The following PAK5 variants were observed in gnomAD, a reference collection of about 807,000 sequenced individuals.
PAK5 encodes p21 (RAC1) activated kinase 5.
Under a neutral mutation model 65.9 loss-of-function variants are expected in PAK5, and 16 were observed. The observed-to-expected ratio is 0.24, with a 90% CI of 0.16 to 0.37. PAK5 has a LOEUF of 0.37. Ranked by LOEUF, PAK5 falls within the 10% of genes least tolerant of loss-of-function variation. The probability of loss-of-function intolerance (pLI) is 1.00; values close to 1 mark genes in which losing one functional copy is unlikely to be tolerated. For synonymous variants in PAK5, 371 were observed against 354.9 expected (o/e 1.05, Z -0.51); for missense variants, 785 against 903.9 (o/e 0.87, Z 1.69).
rs548461110 is a variant in PAK5, at chr20:9,668,071, A to C, written c.-11-23732T>G. Among the ~76,000 whole-genome samples, 16 of 152,282 alleles carry C rather than the reference A, an allele frequency of 1.1e-4. No individual in the cohort carries two copies. In the East Asian group the frequency reaches 2.1e-3, roughly 20 times the overall value. ...GCTTCCACTGAGAACAAGAGGAAAG[A>C]ACTATTTTCCTTAAGAATTGCTTTT... is the stretch of plus-strand genomic sequence containing the variant. On this transcript the variant is annotated intron_variant, in intron 2 of 9. Transcript: ENST00000353224.
intron 3 of PAK5, among the ~76,000 whole-genome samples, chr20:9,618,520 C>T (rs1291234835): frequency 6.6e-6 from 1 of 151,340 alleles, no homozygotes; most frequent in East Asian, 1.9e-4. Context: ...AATTTTCCTG[C>T]CACAGCCTCC....
chr20:9,547,670 A>T (rs1200626796), intron 7 of PAK5, among the ~76,000 whole-genome samples: 1 of 152,170 alleles, frequency 6.6e-6, no homozygotes, highest in Non-Finnish European at 1.5e-5. Flanking sequence ...GAGAGTGAGG[A>T]TAACTGATGA....
At chr20:9,657,034 C>T (rs549116326) in intron 2 of PAK5, among the ~76,000 whole-genome samples, 2 of 152,252 alleles carry the variant, frequency 1.3e-5, no homozygotes, top group South Asian at 4.1e-4. Flanking sequence ...GTATATATGT[C>T]TATGCCATTT....
chr20:9,767,321 C>A (rs1435851303), intron 1 of PAK5, among the ~76,000 whole-genome samples: 1 of 152,098 alleles, frequency 6.6e-6, no homozygotes, highest in African/African-American at 2.4e-5. Flanking sequence ...AATCAATGAA[C>A]TTATCCTCAT....
intron 7 of PAK5, among the ~76,000 whole-genome samples, chr20:9,555,647 A>C (rs1002536043): frequency 6.6e-6 from 1 of 152,224 alleles, no homozygotes; most frequent in Admixed American, 6.5e-5. Flanking sequence ...GAAAAAATGC[A>C]TACACAGTCT....
At chr20:9,726,721 G>A (rs1169157966) in intron 1 of PAK5, among the ~76,000 whole-genome samples, 1 of 152,078 alleles carries the variant, frequency 6.6e-6, no homozygotes, top group East Asian at 1.9e-4. Flanking sequence ...TGCACGCAGG[G>A]CTTAAAACCT....
intron 2 of PAK5, among the ~76,000 whole-genome samples, chr20:9,682,230 G>A (rs953136477): frequency 2.6e-5 from 4 of 152,076 alleles, no homozygotes; most frequent in South Asian, 2.1e-4. Flanking sequence ...GGTGGCGGGC[G>A]CCTGTAGTCC....
intron 3 of PAK5, among the ~76,000 whole-genome samples, chr20:9,585,788 G>A (rs1305470614): frequency 1.3e-5 from 2 of 152,160 alleles, no homozygotes; most frequent in Non-Finnish European, 2.9e-5. Flanking sequence ...ACTGCCTTCA[G>A]TGGACGGAAA....
chr20:9,729,368 CA>C (rs1569062323), intron 1 of PAK5, among the ~76,000 whole-genome samples: 1 of 152,032 alleles, frequency 6.6e-6, no homozygotes, highest in Non-Finnish European at 1.5e-5. Context: ...TAATGGTGGC[CA>C]ACAATCAGAG....
At chr20:9,833,916 A>G (rs372862740) in intron 1 of PAK5, among the ~76,000 whole-genome samples, 216 of 152,314 alleles carry the variant, frequency 1.4e-3, no homozygotes, top group Middle Eastern at 6.8e-3. Flanking sequence ...CTCAATTTAT[A>G]TATTAGTGAA....
chr20:9,642,147 A>G (rs2047077733), intron 3 of PAK5, among the ~76,000 whole-genome samples: 1 of 152,144 alleles, frequency 6.6e-6, no homozygotes, highest in African/African-American at 2.4e-5. Context: ...GCATGCTGTC[A>G]CCTCTCACTT....
chr20:9,657,840 C>A (rs758389069), intron 2 of PAK5, among the ~76,000 whole-genome samples: 8 of 152,122 alleles, frequency 5.3e-5, no homozygotes, highest in Admixed American at 2.6e-4. Context: ...TTGCCTTGTT[C>A]AAGAAACAAA....
At chr20:9,564,873 T>G (rs182137267) in intron 5 of PAK5, among the ~76,000 whole-genome samples, 1 of 152,116 alleles carries the variant, frequency 6.6e-6, no homozygotes, top group African/African-American at 2.4e-5. Flanking sequence ...TAGAATACGT[T>G]AATATATTTT....
intron 1 of PAK5, among the ~76,000 whole-genome samples, chr20:9,795,874 A>C (rs2049099031): frequency 6.6e-6 from 1 of 152,078 alleles, no homozygotes; most frequent in South Asian, 2.1e-4. Flanking sequence ...ACTTAAGAAA[A>C]ATGGTATTAT....
chr20:9,828,241 T>A (rs1297144624), intron 1 of PAK5, among the ~76,000 whole-genome samples: 1 of 152,204 alleles, frequency 6.6e-6, no homozygotes, highest in Non-Finnish European at 1.5e-5. Flanking sequence ...GCTGTTATCT[T>A]AACCCTCAAA....
chr20:9,667,758 T>C (rs941284422), intron 2 of PAK5, among the ~76,000 whole-genome samples: 4 of 152,172 alleles, frequency 2.6e-5, no homozygotes, highest in African/African-American at 9.7e-5. Flanking sequence ...GAACATAGAA[T>C]TTCGTAACTT....
At chr20:9,807,251 T>C (rs2049243750) in intron 1 of PAK5, among the ~76,000 whole-genome samples, 1 of 152,222 alleles carries the variant, frequency 6.6e-6, no homozygotes, top group South Asian at 2.1e-4. Flanking sequence ...GTCATTATTC[T>C]GTCTACCACA....
chr20:9,620,881 G>A (rs1462244371), intron 3 of PAK5, among the ~76,000 whole-genome samples: 1 of 150,758 alleles, frequency 6.6e-6, no homozygotes, highest in Non-Finnish European at 1.5e-5. Flanking sequence ...CACAGAGAAA[G>A]AAAATAGCCA....
At chr20:9,750,189 G>T (rs1038422153) in intron 1 of PAK5, among the ~76,000 whole-genome samples, 17 of 151,838 alleles carry the variant, frequency 1.1e-4, no homozygotes, top group Admixed American at 3.9e-4. Flanking sequence ...GCAAATGTTT[G>T]CCTCCCTGAC....
Sources: gnomAD v4.1 joint callset for allele counts (sites outside exome capture counted in the v4.1 genomes callset) on GRCh38, gnomAD v4.1.1 for gene constraint, MANE v1.5 for transcripts, NCBI Gene and HGNC (gene_info 2026-07-23, HGNC 2026-07-21) for gene names.